AKR1D1: variants seen among roughly 807,000 people sequenced by gnomAD.
AKR1D1 encodes the protein aldo-keto reductase family 1 member D1, also known as delta(4)-3-ketosteroid 5-beta-reductase.
In AKR1D1, 32 loss-of-function variants were observed where a neutral mutation model predicts 42.6. That is an observed-to-expected ratio of 0.75 (90% CI 0.57 to 1.01). The LOEUF (loss-of-function observed/expected upper bound fraction) is 1.01. AKR1D1 is among the 50% of genes least tolerant of loss of function. The pLI, the probability that AKR1D1 is intolerant of heterozygous loss-of-function variation, is 0.00. For missense variants in AKR1D1, 364 were observed against 402.2 expected, an observed-to-expected ratio of 0.91 and a Z score of 0.81; for synonymous variants, 123 against 135.5, an observed-to-expected ratio of 0.91 and a Z score of 0.64.
At chr7:138,097,757 T>A in intron 3 of AKR1D1, 109 bp from the exon 4 acceptor site, 1 of 928,560 alleles carries the variant, frequency 1.1e-6, no homozygotes, top group Non-Finnish European at 1.6e-6. Flanking sequence ...TTAGAAACAA[T>A]AGACATTGAT....
chr7:138,106,069 A>G (rs1794419301), intron 5 of AKR1D1, among the ~76,000 whole-genome samples: 1 of 152,196 alleles, frequency 6.6e-6, no homozygotes, highest in African/African-American at 2.4e-5. Flanking sequence ...TTGAAGTGTG[A>G]TTTTTCTATT....
At chr7:138,083,363 C>T (rs1055171650) in intron 1 of AKR1D1, among the ~76,000 whole-genome samples, 6 of 152,040 alleles carry the variant, frequency 3.9e-5, no homozygotes, top group South Asian at 2.1e-4. Flanking sequence ...TACTCAAGTC[C>T]TTTGTCAACT....
Position 138,106,813 on chromosome 7 carries a change from C to T in AKR1D1, c.689+96C>T, listed in dbSNP as rs577327002. 21 of 887,058 alleles carry T rather than the reference C, an allele frequency of 2.4e-5. No individual in the cohort carries two copies. The Admixed American group carries it at 2.6e-4, about 11-fold the overall frequency. 54.9% of individuals were successfully genotyped at this position (887,058 alleles called of 1,614,324 possible). On this transcript the variant is annotated intron_variant, in intron 6 of 8. Coordinates refer to ENST00000242375, the MANE Select transcript of AKR1D1 (RefSeq NM_005989.4). Reference sequence around the variant, plus strand: ...TGGAATGCCTTTTGGTTTGCCTGTGCAACCTCTTCAAGTCATTATCTGTAT... The same window carrying T: ...TGGAATGCCTTTTGGTTTGCCTGTGTAACCTCTTCAAGTCATTATCTGTAT...
At chr7:138,080,254 G>C (rs7784275) in intron 1 of AKR1D1, among the ~76,000 whole-genome samples, 5 of 152,048 alleles carry the variant, frequency 3.3e-5, no homozygotes, top group African/African-American at 1.2e-4. Context: ...ATTCTTAATA[G>C]AGACGAGGTA....
chr7:138,078,432 G>A lies in AKR1D1; in HGVS notation c.93+1821G>A, dbSNP rs145040682. ...CCATAGCAAGAGTAGTTAAAACTTG[G>A]ATCACAATCCCACATTCCACTTCAA... On this transcript the variant is annotated intron_variant, in intron 1 of 8. Transcript: ENST00000242375. 2.4e-3 allele frequency among the ~76,000 whole-genome samples: 367 copies of A among 152,248 alleles called. 1 individual carries two copies. The highest frequency in any genetic ancestry group is 8.3e-3 in the African/African-American group (347 of 41,564).
At chr7:138,085,814 C>T (rs1043913194) in intron 1 of AKR1D1, among the ~76,000 whole-genome samples, 3 of 152,032 alleles carry the variant, frequency 2.0e-5, no homozygotes, top group Non-Finnish European at 2.9e-5. Context: ...AAAATACAAG[C>T]ACCTACTTTA....
intron 1 of AKR1D1, among the ~76,000 whole-genome samples, chr7:138,084,273 C>CT (rs1803120293): frequency 1.3e-5 from 1 of 78,256 alleles, no homozygotes; most frequent in South Asian, 4.2e-4. Flanking sequence ...TTTTTTTTTT[C>CT]TTTTTTTGAG....
chr7:138,100,088 C>CAAAAAAAAAAAAAAAAAA lies in AKR1D1; in HGVS notation c.456+2158_456+2175dup, dbSNP rs59361346. 4.1e-4 allele frequency among the ~76,000 whole-genome samples: 18 copies of CAAAAAAAAAAAAAAAAAA among 43,568 alleles called. 2 individuals carry two copies. The highest frequency in any genetic ancestry group is 1.0e-3 in the East Asian group (1 of 996). The allele number at this position is 43,568 out of a possible 152,430, so 28.6% of individuals were successfully genotyped here. A position where few individuals can be genotyped will look rare whatever the true frequency, so the allele number is the denominator to read the frequency against. ...TGGGCAATATAGCGAGATTTCATCT[C>CAAAAAAAAAAAAAAAAAA]AAAAAAAAAAAAAAAAAAAAAAAAA... On this transcript the variant is annotated intron_variant, in intron 4 of 8. Transcript: ENST00000242375.
At chr7:138,082,745 T>C (rs1803084379) in intron 1 of AKR1D1, among the ~76,000 whole-genome samples, 1 of 152,208 alleles carries the variant, frequency 6.6e-6, no homozygotes, top group Non-Finnish European at 1.5e-5. Flanking sequence ...TGACTAATAA[T>C]TCCAATTTTT....
At chr7:138,079,946 A>G (rs987400589) in intron 1 of AKR1D1, among the ~76,000 whole-genome samples, 1 of 152,204 alleles carries the variant, frequency 6.6e-6, no homozygotes, top group African/African-American at 2.4e-5. Context: ...ACTCCATGCC[A>G]CATGTAAACA....
At position 138,118,012 on chromosome 7, in the gene AKR1D1, C is replaced by G. The variant is rs1435735809; in HGVS notation, c.*1350C>G. The stretch of plus-strand genomic sequence containing the variant: ...CCGGCCTGGGTGAAAGAGCGAGACT[C>G]CGTCTCAAAAACAAAAAAAAAAGAA... On this transcript the variant is annotated 3_prime_UTR_variant, in exon 9 of 9. Transcript: ENST00000242375. 6.6e-6 allele frequency: 1 copy of G among 151,914 alleles called. No individual in the cohort carries two copies. Among genetic ancestry groups the G allele is most frequent in the East Asian group, 1.9e-4 (1 of 5,184 alleles). 9.4% of individuals were successfully genotyped at this position (151,914 alleles called of 1,614,324 possible).
At chr7:138,094,301 G>A (rs1794142260) in intron 3 of AKR1D1, among the ~76,000 whole-genome samples, 1 of 152,124 alleles carries the variant, frequency 6.6e-6, no homozygotes, top group South Asian at 2.1e-4. Context: ...GATCACTTGA[G>A]TCCAGGAGTT....
At chr7:138,093,393 A>T (rs1159997836) in intron 3 of AKR1D1, among the ~76,000 whole-genome samples, 1 of 152,194 alleles carries the variant, frequency 6.6e-6, no homozygotes, top group African/African-American at 2.4e-5. Flanking sequence ...ACAGCTGTAT[A>T]AAAATATTCT....
intron 1 of AKR1D1, among the ~76,000 whole-genome samples, chr7:138,082,716 T>A (rs1380971157): frequency 6.6e-6 from 1 of 152,180 alleles, no homozygotes; most frequent in Non-Finnish European, 1.5e-5. Context: ...ATCAAAACAA[T>A]CATAGTTATT....
At chr7:138,095,628 C>T (rs1358104359) in intron 3 of AKR1D1, among the ~76,000 whole-genome samples, 1 of 152,086 alleles carries the variant, frequency 6.6e-6, no homozygotes, top group South Asian at 2.1e-4. Flanking sequence ...CGGGTTCAAG[C>T]GATTCTCTTG....
At chr7:138,080,924 A>C (rs938876207) in intron 1 of AKR1D1, among the ~76,000 whole-genome samples, 3 of 152,012 alleles carry the variant, frequency 2.0e-5, no homozygotes, top group Non-Finnish European at 4.4e-5. Flanking sequence ...CTGGCCCCTA[A>C]TTTTTTAGTA....
At chr7:138,089,350 C>CAA (rs34727188) in intron 2 of AKR1D1, among the ~76,000 whole-genome samples, 29 of 122,426 alleles carry the variant, frequency 2.4e-4, no homozygotes, top group Admixed American at 3.5e-4. Context: ...GACCCTCTCT[C>CAA]AAAAAAAAAA....
At chr7:138,088,475 C>T (rs1389613925) in intron 1 of AKR1D1, 126 bp from the exon 2 acceptor site, 2 of 1,171,024 alleles carry the variant, frequency 1.7e-6, no homozygotes, top group Admixed American at 1.9e-5. Flanking sequence ...CCAATCACAA[C>T]AGCAAGGAAT....
At chr7:138,104,965 C>T (rs569951442) in intron 4 of AKR1D1, among the ~76,000 whole-genome samples, 2 of 152,146 alleles carry the variant, frequency 1.3e-5, no homozygotes, top group South Asian at 2.1e-4. Context: ...CACTCTGTTG[C>T]CCAGGCTGGT....
Sources: allele counts gnomAD v4.1 joint callset (sites outside exome capture counted in the v4.1 genomes callset), GRCh38; gene constraint gnomAD v4.1.1; transcripts MANE v1.5; gene names NCBI Gene and HGNC (gene_info 2026-07-23, HGNC 2026-07-21).